RALGPS2: variants seen among roughly 807,000 people sequenced by gnomAD.
RALGPS2 encodes Ral GEF with PH domain and SH3 binding motif 2, also known as ras-specific guanine nucleotide-releasing factor RalGPS2.
A neutral mutation model predicts 86.8 loss-of-function variants in RALGPS2; 43 were observed. The observed-to-expected ratio is 0.50, with a 90% CI of 0.39 to 0.64. The LOEUF (loss-of-function observed/expected upper bound fraction) is 0.64. Among genes scored for constraint, RALGPS2 ranks in the 30% least tolerant of loss-of-function variants. The pLI is 0.00. For missense variants in RALGPS2, 536 were observed against 694.6 expected (o/e 0.77, Z 2.57); for synonymous variants, 243 against 231.3 (o/e 1.05, Z -0.46).
At chr1:178,906,442 T>TAGA (rs2102412077) in intron 18 of RALGPS2, among the ~76,000 whole-genome samples, 1 of 152,304 alleles carries the variant, frequency 6.6e-6, no homozygotes, top group East Asian at 1.9e-4. Flanking sequence ...TTCTGCAGTC[T>TAGA]TATCCACACA....
chr1:178,821,583 C>T, intron 6 of RALGPS2, 29 bp from the exon 7 acceptor site: 1 of 1,554,020 alleles, frequency 6.4e-7, no homozygotes, highest in South Asian at 1.2e-5. Flanking sequence ...TTTTTCATCC[C>T]TCTCCCCCAT....
chr1:178,807,912 T>C, intron 4 of RALGPS2, 133 bp from the exon 5 acceptor site: 1 of 690,084 alleles, frequency 1.4e-6, no homozygotes, highest in Non-Finnish European at 2.6e-6. Context: ...ATGGATATAA[T>C]ATTATGTATG....
intron 4 of RALGPS2, among the ~76,000 whole-genome samples, chr1:178,789,314 G>T (rs1230193248): frequency 6.6e-6 from 1 of 152,172 alleles, no homozygotes; most frequent in Non-Finnish European, 1.5e-5. Context: ...AGATGAAGGT[G>T]GCTTAGATCA....
rs190914516 is a variant in RALGPS2, at chr1:178,865,111, A to G, written c.608-12387A>G. ...GAGTATACTGTTGGCTGTTAGGAATATGTTGTGGCACCACCTGGACAAGTG... is the reference window on the plus strand; with the variant it reads ...GAGTATACTGTTGGCTGTTAGGAATGTGTTGTGGCACCACCTGGACAAGTG... On this transcript the variant is annotated intron_variant, in intron 8 of 19. Transcript: ENST00000367635. The G allele has an allele frequency of 6.3e-5, 99 of 1,575,894 alleles. No individual in the cohort carries two copies. The East Asian group carries it at 1.8e-3, about 28-fold the overall frequency.
At chr1:178,759,328 G>A (rs1480907320) in intron 1 of RALGPS2, among the ~76,000 whole-genome samples, 1 of 152,106 alleles carries the variant, frequency 6.6e-6, no homozygotes, top group East Asian at 1.9e-4. Context: ...TGAAGAGACT[G>A]TCCTTTTCCC....
At chr1:178,901,562 G>A (rs1211670217) in intron 17 of RALGPS2, among the ~76,000 whole-genome samples, 1 of 151,670 alleles carries the variant, frequency 6.6e-6, no homozygotes, top group Non-Finnish European at 1.5e-5. Context: ...TAATAGACAG[G>A]CTAAGAATAC....
At chr1:178,867,692 A>G (rs569348065) in intron 8 of RALGPS2, among the ~76,000 whole-genome samples, 10 of 152,082 alleles carry the variant, frequency 6.6e-5, no homozygotes, top group African/African-American at 2.4e-4. Flanking sequence ...AATTTTTGGT[A>G]GAATTTGTGT....
chr1:178,782,570 G>A (rs1653444860), intron 2 of RALGPS2, among the ~76,000 whole-genome samples: 1 of 152,022 alleles, frequency 6.6e-6, no homozygotes, highest in South Asian at 2.1e-4. Flanking sequence ...AAGCATTTGT[G>A]AAGGTCATAG....
chr1:178,894,106 T>A, intron 16 of RALGPS2, 82 bp downstream of exon 16: 1 of 808,388 alleles, frequency 1.2e-6, no homozygotes, highest in Non-Finnish European at 1.9e-6. Context: ...CTAAAACAAT[T>A]AAAATAAAAC....
At chr1:178,823,609 A>G (rs1655613045) in intron 7 of RALGPS2, among the ~76,000 whole-genome samples, 1 of 152,206 alleles carries the variant, frequency 6.6e-6, no homozygotes, top group South Asian at 2.1e-4. Flanking sequence ...ATAACAAGTA[A>G]AAAGGCCCAG....
intron 2 of RALGPS2, among the ~76,000 whole-genome samples, chr1:178,781,495 C>A (rs1372429200): frequency 6.6e-6 from 1 of 152,116 alleles, no homozygotes; most frequent in Non-Finnish European, 1.5e-5. Context: ...TATTGCTATT[C>A]TCCTGGTGAA....
chr1:178,789,667 T>G lies in RALGPS2; in HGVS notation c.213+4060T>G, dbSNP rs531545515. On this transcript the variant is annotated intron_variant, in intron 4 of 19. Coordinates refer to ENST00000367635, the MANE Select transcript of RALGPS2 (RefSeq NM_152663.5). ...CAGTCCAGTCTAGAAATAATAAGTT[T>G]AGGAGATGTCAGTGTAGAGGTGGTA... Among the ~76,000 whole-genome samples, 54 of 152,266 alleles carry G rather than the reference T, an allele frequency of 3.5e-4. No individual in the cohort carries two copies. In the South Asian group the frequency reaches 0.011, roughly 32 times the overall value.
chr1:178,857,479 A>C (rs1657667214), intron 8 of RALGPS2, among the ~76,000 whole-genome samples: 1 of 152,158 alleles, frequency 6.6e-6, no homozygotes, highest in East Asian at 1.9e-4. Context: ...ATTCCACTAT[A>C]ATATGACAAG....
At chr1:178,793,984 A>G (rs1439098124) in intron 4 of RALGPS2, among the ~76,000 whole-genome samples, 1 of 152,184 alleles carries the variant, frequency 6.6e-6, no homozygotes, top group East Asian at 1.9e-4. Context: ...ATTTCTAGTA[A>G]TGATTTTTGG....
chr1:178,839,669 C>T (rs1656479296), intron 8 of RALGPS2, among the ~76,000 whole-genome samples: 1 of 151,858 alleles, frequency 6.6e-6, no homozygotes, highest in Non-Finnish European at 1.5e-5. Context: ...ACAATATTAA[C>T]TAAATGTAAA....
At chr1:178,884,602 ATAT>A (rs1395648721) in intron 11 of RALGPS2, among the ~76,000 whole-genome samples, 1 of 152,176 alleles carries the variant, frequency 6.6e-6, no homozygotes, top group African/African-American at 2.4e-5. Flanking sequence ...CACTTTTATA[ATAT>A]TCTTTTATTT....
intron 1 of RALGPS2, among the ~76,000 whole-genome samples, chr1:178,743,550 T>C (rs1275624411): frequency 6.6e-6 from 1 of 152,218 alleles, no homozygotes; most frequent in Admixed American, 6.5e-5. Context: ...TGAAAATTGA[T>C]TTTATTGATG....
At chr1:178,762,347 T>G (rs1652286839) in intron 1 of RALGPS2, among the ~76,000 whole-genome samples, 1 of 152,208 alleles carries the variant, frequency 6.6e-6, no homozygotes, top group Non-Finnish European at 1.5e-5. Flanking sequence ...GTTGGAACAA[T>G]TTATATTCTT....
rs760893605 is a variant in RALGPS2, at chr1:178,916,365, T to C, written c.*6T>C. ...ACTTGATGACTTTTGAGTAGAAGCCTGAGAAAAAAAGAGAGGTGAACTGTT... is the reference window on the plus strand; with the variant it reads ...ACTTGATGACTTTTGAGTAGAAGCCCGAGAAAAAAAGAGAGGTGAACTGTT... On this transcript the variant is annotated 3_prime_UTR_variant, in exon 20 of 20. Coordinates refer to ENST00000367635, the MANE Select transcript of RALGPS2 (RefSeq NM_152663.5). 1.3e-5 allele frequency: 21 copies of C among 1,598,492 alleles called. No homozygotes were observed. In the East Asian group the frequency reaches 4.5e-4, roughly 34 times the overall value.
Sources: allele counts gnomAD v4.1 joint callset (sites outside exome capture counted in the v4.1 genomes callset), GRCh38; gene constraint gnomAD v4.1.1; transcripts MANE v1.5; gene names NCBI Gene and HGNC (gene_info 2026-07-23, HGNC 2026-07-21).